Variants in CCDC91 observed in about 807,000 individuals in gnomAD.
CCDC91 encodes coiled-coil domain containing 91.
A neutral mutation model predicts 63.2 loss-of-function variants in CCDC91; 48 were observed. The observed-to-expected ratio is 0.76, with a 90% CI of 0.60 to 0.97. The LOEUF (loss-of-function observed/expected upper bound fraction) is 0.97. Ranked by LOEUF, CCDC91 falls within the 50% of genes least tolerant of loss-of-function variation. The pLI, the probability that CCDC91 is intolerant of heterozygous loss-of-function variation, is 0.00. For synonymous variants in CCDC91, 167 were observed against 165.8 expected (o/e 1.01, Z -0.06); for missense variants, 500 against 494.6 (o/e 1.01, Z -0.10).
chr12:28,527,553 G>A (rs1565526252), intron 12 of CCDC91, among the ~76,000 whole-genome samples: 1 of 152,164 alleles, frequency 6.6e-6, no homozygotes, highest in African/African-American at 2.4e-5. Flanking sequence ...TGGTTGATTA[G>A]TGTGCTATTT....
intron 8 of CCDC91, among the ~76,000 whole-genome samples, chr12:28,425,893 A>G (rs563872454): frequency 6.6e-6 from 1 of 152,184 alleles, no homozygotes; most frequent in Non-Finnish European, 1.5e-5. Flanking sequence ...ATTGTGATGC[A>G]TACTTAAGTT....
chr12:28,304,991 T>A (rs994275040), intron 3 of CCDC91, among the ~76,000 whole-genome samples: 5 of 152,150 alleles, frequency 3.3e-5, no homozygotes, highest in Non-Finnish European at 5.9e-5. Flanking sequence ...GAAAAGTTAT[T>A]ATTTTTCTGT....
chr12:28,400,539 GA>G (rs1370689706), intron 8 of CCDC91, among the ~76,000 whole-genome samples: 1 of 152,076 alleles, frequency 6.6e-6, no homozygotes, highest in African/African-American at 2.4e-5. Context: ...TTTCTCCTTA[GA>G]AAATGGGTTT....
At chr12:28,340,427 ATGAAAATAGCTTATGAACTCTCTAAAAG>A (rs1253802782) in intron 6 of CCDC91, among the ~76,000 whole-genome samples, 1 of 152,228 alleles carries the variant, frequency 6.6e-6, no homozygotes, top group Non-Finnish European at 1.5e-5. Context: ...CAGTAGTTTT[ATGAAAATAGCTTATGAACTCTCTAAAAG>A]GGTTGCAGGA....
chr12:28,257,051 AGCC>A (rs1946502429), intron 1 of CCDC91, 148 bp from the exon 2 acceptor site: 1 of 506,430 alleles, frequency 2.0e-6, no homozygotes, highest in Admixed American at 3.3e-5. Context: ...AAAAAGTAAA[AGCC>A]AATTGCAAAT....
chr12:28,414,364 G>A (rs979755897), intron 8 of CCDC91, among the ~76,000 whole-genome samples: 1 of 152,124 alleles, frequency 6.6e-6, no homozygotes, highest in Admixed American at 6.6e-5. Flanking sequence ...GTGTGTAGGG[G>A]AAGGAAGAAG....
intron 3 of CCDC91, among the ~76,000 whole-genome samples, chr12:28,260,668 C>G (rs1450497639): frequency 6.6e-6 from 1 of 151,900 alleles, no homozygotes; most frequent in East Asian, 1.9e-4. Flanking sequence ...GGGTTAGCCA[C>G]TATGTCTGTT....
chr12:28,413,509 G>A (rs1947451591), intron 8 of CCDC91, among the ~76,000 whole-genome samples: 1 of 152,032 alleles, frequency 6.6e-6, no homozygotes, highest in Non-Finnish European at 1.5e-5. Flanking sequence ...CTCTTTGGTT[G>A]TTTTTAATAG....
chr12:28,541,642 G>A (rs1942637891), intron 12 of CCDC91, among the ~76,000 whole-genome samples: 1 of 151,820 alleles, frequency 6.6e-6, no homozygotes, highest in Non-Finnish European at 1.5e-5. Context: ...GGATCCCTAT[G>A]TTAATTTAAT....
At chr12:28,337,972 T>C (rs1282518808) in intron 6 of CCDC91, among the ~76,000 whole-genome samples, 1 of 152,176 alleles carries the variant, frequency 6.6e-6, no homozygotes, top group Non-Finnish European at 1.5e-5. Flanking sequence ...TAATAAATAA[T>C]GAGCACCAGC....
At chr12:28,277,497 A>G (rs992461041) in intron 3 of CCDC91, among the ~76,000 whole-genome samples, 4 of 152,102 alleles carry the variant, frequency 2.6e-5, no homozygotes, top group Admixed American at 2.6e-4. Context: ...AAATGCTCCA[A>G]AATCCAAAAC....
intron 11 of CCDC91, among the ~76,000 whole-genome samples, chr12:28,468,271 A>G (rs1263633239): frequency 6.6e-6 from 1 of 151,656 alleles, no homozygotes; most frequent in Non-Finnish European, 1.5e-5. Context: ...CTCATCTAGT[A>G]TCTATACTAC....
At chr12:28,369,864 T>C (rs1240991064) in intron 7 of CCDC91, among the ~76,000 whole-genome samples, 1 of 152,186 alleles carries the variant, frequency 6.6e-6, no homozygotes, top group Non-Finnish European at 1.5e-5. Flanking sequence ...ACCTTGGCCC[T>C]TTTTAGCCAC....
At chr12:28,540,588 C>T (rs1942557597) in intron 12 of CCDC91, among the ~76,000 whole-genome samples, 1 of 152,164 alleles carries the variant, frequency 6.6e-6, no homozygotes, top group African/African-American at 2.4e-5. Flanking sequence ...GGATTTCAGT[C>T]CTAGCCCTGC....
At chr12:28,238,069 A>C (rs934603997) in intron 1 of CCDC91, among the ~76,000 whole-genome samples, 1 of 152,158 alleles carries the variant, frequency 6.6e-6, no homozygotes, top group African/African-American at 2.4e-5. Context: ...CTTAACCCCC[A>C]TTGTAAGTCT....
At chr12:28,446,913 G>A (rs1949529053) in intron 8 of CCDC91, among the ~76,000 whole-genome samples, 1 of 152,196 alleles carries the variant, frequency 6.6e-6, no homozygotes, top group Admixed American at 6.5e-5. Flanking sequence ...AAAAGAGCAA[G>A]GATTCCTTTC....
At chr12:28,340,073 T>C (rs557786382) in intron 6 of CCDC91, among the ~76,000 whole-genome samples, 47 of 152,310 alleles carry the variant, frequency 3.1e-4, no homozygotes, top group African/African-American at 1.1e-3. Flanking sequence ...GTCATTATTG[T>C]GGATCACAAA....
At chr12:28,265,657 A>C (rs1391334570) in intron 3 of CCDC91, among the ~76,000 whole-genome samples, 1 of 152,032 alleles carries the variant, frequency 6.6e-6, no homozygotes. Context: ...TCTGTGTTAC[A>C]TATCTATGAG....
chr12:28,456,887 A>G (rs1950081678), intron 11 of CCDC91, among the ~76,000 whole-genome samples: 1 of 152,148 alleles, frequency 6.6e-6, no homozygotes, highest in African/African-American at 2.4e-5. Context: ...ATAAGCATAT[A>G]GTTGTTATTT....
Sources: gnomAD v4.1 joint callset for allele counts (sites outside exome capture counted in the v4.1 genomes callset) on GRCh38, gnomAD v4.1.1 for gene constraint, MANE v1.5 for transcripts, NCBI Gene and HGNC (gene_info 2026-07-23, HGNC 2026-07-21) for gene names.